The following TMIGD3 variants were observed in gnomAD, a reference collection of about 807,000 sequenced individuals.
TMIGD3 encodes the protein AD026 protein (AD026).
A neutral mutation model predicts 28.1 loss-of-function variants in TMIGD3; 21 were observed. That is an observed-to-expected ratio of 0.75 (90% confidence interval 0.53 to 1.08). The LOEUF (loss-of-function observed/expected upper bound fraction) is 1.08, where lower values mean the gene tolerates loss of function less well. Among genes scored for constraint, TMIGD3 ranks in the 50% least tolerant of loss-of-function variants. The probability of loss-of-function intolerance (pLI) is 0.00; values close to 1 mark genes in which losing one functional copy is unlikely to be tolerated. For missense variants in TMIGD3, 416 were observed against 435.6 expected (o/e 0.96, Z 0.40); for synonymous variants, 151 against 162.1 (o/e 0.93, Z 0.52).
intron 1 of TMIGD3, chr1:111,563,752 C>A: frequency 1.2e-6 from 1 of 859,258 alleles, no homozygotes; most frequent in Non-Finnish European, 1.9e-6. Context: ...AGTAGCTTGC[C>A]CCATATCATG....
intron 1 of TMIGD3, among the ~76,000 whole-genome samples, chr1:111,501,946 A>G (rs1232737856): frequency 6.7e-6 from 1 of 150,262 alleles, no homozygotes; most frequent in Non-Finnish European, 1.5e-5. Context: ...GTAATGAAGA[A>G]TATTTTTACG....
At chr1:111,507,755 G>A (rs939492452), upstream of TMIGD3, among the ~76,000 whole-genome samples, 6 of 152,112 alleles carry the variant, frequency 3.9e-5, no homozygotes, top group Non-Finnish European at 7.4e-5. Context: ...CTTCCTCTTG[G>A]CCCCATCACC....
intron 1 of TMIGD3, among the ~76,000 whole-genome samples, chr1:111,547,146 G>A (rs1454530883): frequency 1.3e-5 from 2 of 152,096 alleles, no homozygotes; most frequent in Non-Finnish European, 2.9e-5. Context: ...TAGAAGTAGT[G>A]AGAATAGTAA....
At chr1:111,502,906 C>T in intron 1 of TMIGD3, 99 bp downstream of exon 1, 1 of 1,451,808 alleles carries the variant, frequency 6.9e-7, no homozygotes, top group Non-Finnish European at 9.3e-7. Context: ...CATCAAGGGC[C>T]AATTTGGATA....
At chr1:111,504,887 A>G, upstream of TMIGD3, 1 of 985,126 alleles carries the variant, frequency 1.0e-6, no homozygotes, top group Non-Finnish European at 1.2e-6. Context: ...CAGACTTGTC[A>G]TTTCTCCCTG....
intron 1 of TMIGD3, among the ~76,000 whole-genome samples, chr1:111,524,042 T>TGGGGGGGA (rs1656173808): frequency 7.5e-6 from 1 of 132,478 alleles, no homozygotes; most frequent in African/African-American, 3.0e-5. Flanking sequence ...TTTTTTTTTT[T>TGGGGGGGA]TTTTTGGGAT....
chr1:111,492,826 A>G (rs1378045742), intron 1 of TMIGD3, among the ~76,000 whole-genome samples: 1 of 151,982 alleles, frequency 6.6e-6, no homozygotes, highest in Non-Finnish European at 1.5e-5. Context: ...AAAAAAAAAA[A>G]AAAAAAAGTA....
intron 1 of TMIGD3, among the ~76,000 whole-genome samples, chr1:111,553,969 A>C (rs1657378545): frequency 6.6e-6 from 1 of 152,246 alleles, no homozygotes; most frequent in African/African-American, 2.4e-5. Context: ...TTGCTTCCCC[A>C]TTCTGACTGT....
chr1:111,511,011 C>T (rs1041788132), intron 1 of TMIGD3, among the ~76,000 whole-genome samples: 1 of 152,172 alleles, frequency 6.6e-6, no homozygotes, highest in Non-Finnish European at 1.5e-5. Context: ...CCTTAGGAAT[C>T]GCACTGGGTA....
upstream of TMIGD3, among the ~76,000 whole-genome samples, chr1:111,505,250 GTCCATC>G: frequency 6.6e-6 from 1 of 151,724 alleles, no homozygotes; most frequent in South Asian, 2.1e-4. Context: ...TTTGGAATCA[GTCCATC>G]TCAGCTGGGT....
chr1:111,494,062 C>A (rs1654780471), intron 1 of TMIGD3, among the ~76,000 whole-genome samples: 1 of 152,216 alleles, frequency 6.6e-6, no homozygotes, highest in East Asian at 1.9e-4. Flanking sequence ...GACCTGCAAC[C>A]TGCAGCAACC....
chr1:111,503,169 C>T lies in TMIGD3; in HGVS notation c.186G>A (p.Gly62=), dbSNP rs773987086. 2 of 1,614,206 alleles carry T rather than the reference C, an allele frequency of 1.2e-6. No homozygotes were observed. The highest frequency in any genetic ancestry group is 2.2e-5 in the East Asian group (1 of 44,886). Residue 62 remains glycine, a synonymous_variant, in exon 1 of 6, where the codon GGG becomes GGA. Coordinates refer to ENST00000369716, the MANE Select transcript of TMIGD3 (RefSeq NM_020683.7). ...VSLALADIAV[G]VLVMPLAIVV... The stretch of plus-strand genomic sequence containing the variant: ...CAATGGCCAAAGGCATGACCAGCAC[C>T]CCAACAGCAATGTCAGCCAGGGCTA...
At chr1:111,492,813 C>CAAA (rs34093957) in intron 1 of TMIGD3, among the ~76,000 whole-genome samples, 1 of 103,258 alleles carries the variant, frequency 9.7e-6, no homozygotes, top group Non-Finnish European at 2.1e-5. Context: ...GATGCTGTCT[C>CAAA]AAAAAAAAAA....
At chr1:111,486,342 C>T (rs1461796929) in intron 4 of TMIGD3, among the ~76,000 whole-genome samples, 4 of 152,018 alleles carry the variant, frequency 2.6e-5, no homozygotes, top group African/African-American at 7.3e-5. Flanking sequence ...TAAATGTCCC[C>T]TTTTAATTAA....
intron 1 of TMIGD3, among the ~76,000 whole-genome samples, chr1:111,510,127 T>A (rs1655640974): frequency 6.6e-6 from 1 of 152,236 alleles, no homozygotes; most frequent in South Asian, 2.1e-4. Context: ...GTCAATTGTC[T>A]ACTCTCCAGC....
At chr1:111,529,341 A>C (rs1656371408) in intron 1 of TMIGD3, among the ~76,000 whole-genome samples, 1 of 151,502 alleles carries the variant, frequency 6.6e-6, no homozygotes, top group African/African-American at 2.4e-5. Context: ...AACCATTGTC[A>C]ACCCCATGGA....
intron 1 of TMIGD3, among the ~76,000 whole-genome samples, chr1:111,496,553 AT>A (rs917204579): frequency 1.3e-5 from 2 of 152,138 alleles, no homozygotes; most frequent in African/African-American, 4.8e-5. Context: ...CAAACTAGGG[AT>A]TTTCCACTTT....
chr1:111,490,046 A>G (rs1654581659), intron 2 of TMIGD3, among the ~76,000 whole-genome samples: 1 of 152,210 alleles, frequency 6.6e-6, no homozygotes, highest in Non-Finnish European at 1.5e-5. Flanking sequence ...CAAGGAAGAT[A>G]GCATGATCTT....
intron 5 of TMIGD3, 59 bp from the exon 6 acceptor site, chr1:111,483,816 G>A: frequency 5.6e-6 from 8 of 1,416,388 alleles, no homozygotes; most frequent in Non-Finnish European, 7.0e-6. Flanking sequence ...CCCCTGAAGA[G>A]TGTTTCTGCA....
Sources: allele counts gnomAD v4.1 joint callset (sites outside exome capture counted in the v4.1 genomes callset), GRCh38; gene constraint gnomAD v4.1.1; transcripts MANE v1.5; gene names NCBI Gene and HGNC (gene_info 2026-07-23, HGNC 2026-07-21).